Variants in SIN3B observed in about 807,000 individuals in gnomAD.
SIN3B encodes the protein paired amphipathic helix protein Sin3b.
In SIN3B, 19 loss-of-function variants were observed where a neutral mutation model predicts 120.2. The observed-to-expected ratio is 0.16, with a 90% CI of 0.11 to 0.23. The LOEUF is 0.23. Ranked by LOEUF, SIN3B falls within the 10% of genes least tolerant of loss-of-function variation. The probability of loss-of-function intolerance (pLI) is 1.00; values close to 1 mark genes in which losing one functional copy is unlikely to be tolerated. For synonymous variants in SIN3B, 654 were observed against 653.2 expected (o/e 1.00, Z -0.02); for missense variants, 1,073 against 1,573.0 (o/e 0.68, Z 5.38).
At position 16,848,563 on chromosome 19, in the gene SIN3B, T is replaced by C. The variant is rs576514654; in HGVS notation, c.726+1450T>C. On this transcript the variant is annotated intron_variant, in intron 5 of 18. Transcript: ENST00000248054. ...CCTAGGCTGGAGTGCAGTGGCGTAA[T>C]TGATCACTGTTCACTGCAACCTCCA... Among the ~76,000 whole-genome samples, 135 of 152,208 alleles carry C rather than the reference T, an allele frequency of 8.9e-4. No individual in the cohort carries two copies. The Middle Eastern group carries it at 0.01, about 12-fold the overall frequency.
chr19:16,872,017 A>G (rs2051518245), intron 14 of SIN3B, among the ~76,000 whole-genome samples: 1 of 152,136 alleles, frequency 6.6e-6, no homozygotes, highest in East Asian at 1.9e-4. Flanking sequence ...GCAAAAACCC[A>G]GGCCCCACTG....
intron 14 of SIN3B, among the ~76,000 whole-genome samples, chr19:16,872,188 G>A (rs542440117): frequency 6.6e-6 from 1 of 152,088 alleles, no homozygotes; most frequent in Non-Finnish European, 1.5e-5. Flanking sequence ...TCATCATAAA[G>A]TGGAAAAAAA....
At chr19:16,859,887 G>A (rs920613945) in intron 8 of SIN3B, among the ~76,000 whole-genome samples, 4 of 152,160 alleles carry the variant, frequency 2.6e-5, no homozygotes, top group Non-Finnish European at 4.4e-5. Flanking sequence ...TGACCACCCC[G>A]GGTTGGAATT....
intron 3 of SIN3B, among the ~76,000 whole-genome samples, chr19:16,839,758 C>T (rs748098502): frequency 3.9e-5 from 6 of 152,188 alleles, no homozygotes; most frequent in Non-Finnish European, 7.3e-5. Context: ...CAGTGGTTTA[C>T]GCCTGTAATC....
At chr19:16,866,760 CTGTT>C (rs903357019) in intron 12 of SIN3B, among the ~76,000 whole-genome samples, 19 of 152,246 alleles carry the variant, frequency 1.2e-4, no homozygotes, top group South Asian at 6.2e-4. Flanking sequence ...CATTGTCTAT[CTGTT>C]TGTTTGTTTG....
At chr19:16,847,855 G>C (rs926250575) in intron 5 of SIN3B, among the ~76,000 whole-genome samples, 2 of 152,168 alleles carry the variant, frequency 1.3e-5, no homozygotes, top group Admixed American at 1.3e-4. Flanking sequence ...CCTAGTTCCA[G>C]AACATTTTCA....
At chr19:16,845,890 G>A (rs1971472244) in intron 4 of SIN3B, among the ~76,000 whole-genome samples, 1 of 152,210 alleles carries the variant, frequency 6.6e-6, no homozygotes, top group Non-Finnish European at 1.5e-5. Flanking sequence ...CCTACATAAT[G>A]TTTAAAACAA....
In SIN3B at chr19:16,853,161, G is replaced by T. The variant is rs1473009325; in HGVS notation, c.939+3G>T. On this transcript the variant is annotated splice_donor_region_variant and intron_variant, in intron 7 of 18. Coordinates refer to ENST00000248054, the MANE Select transcript of SIN3B (RefSeq NM_001297595.2). Reference sequence around the variant, plus strand: ...AGGAATTTTCTTTCTTTGACAAGGTGAGGGTGGGCCCTGGCTTCCATCTTG... The same window carrying T: ...AGGAATTTTCTTTCTTTGACAAGGTTAGGGTGGGCCCTGGCTTCCATCTTG... 4.3e-6 allele frequency: 7 copies of T among 1,613,694 alleles called. No homozygotes were observed. Among genetic ancestry groups the T allele is most frequent in the Non-Finnish European group, 5.9e-6 (7 of 1,179,656 alleles).
intron 8 of SIN3B, chr19:16,855,137 G>T (rs752580162): frequency 6.6e-6 from 1 of 152,038 alleles, no homozygotes; most frequent in Non-Finnish European, 1.5e-5. Context: ...CCTCATACAC[G>T]TCTGGTGTGT....
intron 13 of SIN3B, among the ~76,000 whole-genome samples, 175 bp downstream of exon 13, chr19:16,870,250 C>T (rs562661698): frequency 1.1e-3 from 174 of 152,358 alleles, no homozygotes; most frequent in African/African-American, 4.0e-3. Context: ...AGAGGTCTCA[C>T]GTACCCCTCG....
Position 16,840,236 on chromosome 19 carries a change from A to AAGAGG in SIN3B, c.382-1531_382-1527dup, listed in dbSNP as rs533110009. Reference sequence around the variant, plus strand: ...ACTGTATTTGGAGATGGAGCCTTTGAAGAGGTGATTTAACTGAGGCCGTTA... The same window carrying AAGAGG: ...ACTGTATTTGGAGATGGAGCCTTTGAAGAGGAGAGGTGATTTAACTGAGGCCGTTA... On this transcript the variant is annotated intron_variant, in intron 3 of 18. Transcript: ENST00000248054. Among the ~76,000 whole-genome samples, 44 of 152,188 alleles carry AAGAGG rather than the reference A, an allele frequency of 2.9e-4. No homozygotes were observed. The South Asian group carries it at 8.7e-3, about 30-fold the overall frequency.
At position 16,866,667 on chromosome 19, in the gene SIN3B, C is replaced by G. The variant is rs188354766; in HGVS notation, c.1806+111C>G. ...GGTTAGGCAGGGTAGTGGCATTGCC[C>G]TTTCAGGGCTGTGTTGAGGCGAGGG... On this transcript the variant is annotated intron_variant, in intron 12 of 18. Coordinates refer to ENST00000248054, the MANE Select transcript of SIN3B (RefSeq NM_001297595.2). The G allele has an allele frequency of 4.4e-3, 4,700 of 1,067,016 alleles. 15 individuals are homozygous for G. The highest frequency in any genetic ancestry group is 5.8e-3 in the Non-Finnish European group (4,251 of 728,258). 66.1% of individuals were successfully genotyped at this position (1,067,016 alleles called of 1,614,324 possible).
At chr19:16,842,219 C>T (rs538442610) in intron 4 of SIN3B, among the ~76,000 whole-genome samples, 1 of 151,838 alleles carries the variant, frequency 6.6e-6, no homozygotes, top group African/African-American at 2.4e-5. Flanking sequence ...TCCCAAGTAG[C>T]GGAGGCTACT....
rs1443943257 is a variant in SIN3B at position 16,878,984 on chromosome 19, G to A, written c.*257G>A. The A allele has an allele frequency of 1.1e-5, 6 of 539,372 alleles. No homozygotes were observed. The highest frequency in any genetic ancestry group is 3.1e-5 in the East Asian group (1 of 32,290). 33.4% of individuals were successfully genotyped at this position (539,372 alleles called of 1,614,324 possible). ...ACAGGGGCGGGTGGACGTGCTGGCC[G>A]AGGAACAAGCAATCATGTTTGCGTC... On this transcript the variant is annotated 3_prime_UTR_variant, in exon 19 of 19. Transcript: ENST00000248054.
Position 16,876,400 on chromosome 19 carries a change from G to A in SIN3B, c.2767-86G>A. The A allele has an allele frequency of 1.4e-6, 2 of 1,461,356 alleles. No individual in the cohort carries two copies. The allele number at this position is 1,461,356 out of a possible 1,614,324, so 90.5% of individuals were successfully genotyped here. ...ATCAGGGCTTTGGGAGGGTGGCAAA[G>A]GCGGGAGGCGGGTGGCCTTGCGAGC... On this transcript the variant is annotated intron_variant, in intron 15 of 18. Transcript: ENST00000248054. The surrounding 1 kb of genome is among the most constrained non-coding windows in gnomAD (Gnocchi z 7.1).
At chr19:16,866,102 G>A (rs1029642659) in intron 11 of SIN3B, among the ~76,000 whole-genome samples, 2 of 152,206 alleles carry the variant, frequency 1.3e-5, no homozygotes, top group African/African-American at 4.8e-5. Context: ...CTGAGCAGGG[G>A]ACCTGAGTGG....
chr19:16,876,548 G>A lies in SIN3B; in HGVS notation c.2829G>A (p.Glu943=), dbSNP rs1235489977. 6.2e-7 allele frequency: 1 copy of A among 1,613,380 alleles called. No homozygotes were observed. The highest frequency in any genetic ancestry group is 8.5e-7 in the Non-Finnish European group (1 of 1,179,924). ...CCATCGAGCTCCTGGACACCGAGGA[G>A]GCCCAGACGGAGGACCCTGTGGAGG... ...IMTIELLDTE[E]AQTEDPVEVQ... The change falls in exon 16 of 19, where the codon GAG becomes GAA. Residue 943 remains glutamate, a synonymous_variant. Transcript: ENST00000248054. The surrounding 1 kb of genome is among the most constrained non-coding windows in gnomAD (Gnocchi z 7.1).
At chr19:16,844,102 C>G (rs963427654) in intron 4 of SIN3B, 6 of 152,352 alleles carry the variant, frequency 3.9e-5, no homozygotes, top group Non-Finnish European at 5.9e-5. Flanking sequence ...CCTCAGCCCC[C>G]CAAAGTACTG....
rs774961122 is a variant in SIN3B, at chr19:16,869,476, C to T, written c.1823C>T (p.Ser608Leu). Residue 608 changes from serine (S) to leucine (L), a missense_variant, in exon 13 of 19, where the codon TCG (serine) becomes TTG (leucine). Physicochemically the swap from Ser to Leu is moderately radical, Grantham distance 145 (BLOSUM62 -2). Coordinates refer to ENST00000248054, the MANE Select transcript of SIN3B (RefSeq NM_001297595.2). ...CCCCCACAGCACCAGGAGCAGCACT[C>T]GGAGGGCCGCAGTGCCCCCTCTAGC... The part of the protein sequence containing the change: ...SVYDEHQEQH[S>L]EGRSAPSSEP... The T allele has an allele frequency of 5.0e-6, 8 of 1,609,182 alleles. No homozygotes were observed. The highest frequency in any genetic ancestry group is 5.9e-6 in the Non-Finnish European group (7 of 1,176,698).
Sources: gnomAD v4.1 joint callset for allele counts (sites outside exome capture counted in the v4.1 genomes callset) on GRCh38, gnomAD v4.1.1 for gene constraint, Gnocchi (gnomAD v3.1) non-coding constraint, MANE v1.5 for transcripts, NCBI Gene and HGNC (gene_info 2026-07-23, HGNC 2026-07-21) for gene names.